ZNF585B: variants seen among roughly 807,000 people sequenced by gnomAD.
The protein encoded by ZNF585B is zinc finger protein 585B.
In ZNF585B, 7 loss-of-function variants were observed where a neutral mutation model predicts 14.0. The observed-to-expected ratio is 0.50, with a 90% confidence interval of 0.28 to 0.94. The LOEUF (loss-of-function observed/expected upper bound fraction) is 0.94, where lower values mean the gene tolerates loss of function less well. Ranked by LOEUF, ZNF585B falls within the 40% of genes least tolerant of loss-of-function variation. The pLI is 0.09. For missense variants in ZNF585B, 750 were observed against 924.4 expected, an observed-to-expected ratio of 0.81 and a Z score of 2.45; for synonymous variants, 290 against 317.3, an observed-to-expected ratio of 0.91 and a Z score of 0.91.
At chr19:37,189,188 T>C (rs1307891705) in intron 4 of ZNF585B, among the ~76,000 whole-genome samples, 1 of 152,146 alleles carries the variant, frequency 6.6e-6, no homozygotes, top group Non-Finnish European at 1.5e-5. Context: ...TACACCCACC[T>C]TGGCCTCCCA....
chr19:37,189,795 C>T lies in ZNF585B; in HGVS notation c.200-42G>A, dbSNP rs111986526. The T allele has an allele frequency of 1.6e-3, 2,550 of 1,611,794 alleles. 42 individuals carry two copies. In the African/African-American group the frequency reaches 0.028, roughly 18 times the overall value. On this transcript the variant is annotated intron_variant, in intron 3 of 4. Transcript: ENST00000532828. ...ATAAAGGTCTGGGTCCAGCTAATTACGTTTCAGAGCCCAACAAATACAGTC... is the reference window on the plus strand; with the variant it reads ...ATAAAGGTCTGGGTCCAGCTAATTATGTTTCAGAGCCCAACAAATACAGTC...
At chr19:37,208,725 A>G (rs1173296977) in intron 1 of ZNF585B, among the ~76,000 whole-genome samples, 1 of 152,134 alleles carries the variant, frequency 6.6e-6, no homozygotes, top group Non-Finnish European at 1.5e-5. Flanking sequence ...AATTTTCCTT[A>G]GAATCATAAA....
rs979412175 is a variant in ZNF585B, at chr19:37,181,848, T to G, written c.*3379A>C. 7.9e-5 allele frequency: 12 copies of G among 152,186 alleles called. No individual in the cohort carries two copies. Among genetic ancestry groups the G allele is most frequent in the Non-Finnish European group, 1.5e-4 (10 of 68,032 alleles). The allele number at this position is 152,186 out of a possible 1,614,324, so 9.4% of individuals were successfully genotyped here. A position where few individuals can be genotyped will look rare whatever the true frequency, so the allele number is the denominator to read the frequency against. ...AGACAAAAGAAAATAGCCAGGAGTT[T>G]AGAGGAGTAGGCGAAACACAGAGGA... On this transcript the variant is annotated 3_prime_UTR_variant, in exon 5 of 5. Coordinates refer to ENST00000532828, the MANE Select transcript of ZNF585B (RefSeq NM_152279.4).
In ZNF585B at chr19:37,186,106, G is replaced by A; in HGVS notation, c.1431C>T (p.Asn477=). The change falls in exon 5 of 5, where the codon AAC becomes AAT. Residue 477 remains asparagine (N), a synonymous_variant. Transcript: ENST00000532828. Reference sequence around the variant, plus strand: ...TCTGATGTGTAATGAGATTTGACCGGTTGGTGAATGCCTTCCCACATTTAT... The same window carrying A: ...TCTGATGTGTAATGAGATTTGACCGATTGGTGAATGCCTTCCCACATTTAT... ...VCNKCGKAFT[N]RSNLITHQKT... 1 of 1,614,026 alleles carries A rather than the reference G, an allele frequency of 6.2e-7. No individual in the cohort carries two copies. The highest frequency in any genetic ancestry group is 8.5e-7 in the Non-Finnish European group (1 of 1,180,004).
chr19:37,186,242 T>G lies in ZNF585B; in HGVS notation c.1295A>C (p.His432Pro), dbSNP rs1401797943. ...ACATTTATAAGGTTTCTCTCCAGTATGAATTATTTGATGTGTAATCAAGTG... is the reference window on the plus strand; with the variant it reads ...ACATTTATAAGGTTTCTCTCCAGTAGGAATTATTTGATGTGTAATCAAGTG... Reference protein sequence around the residue: ...KAHLITHQIIHTGEKPYKCGH... With the variant: ...KAHLITHQIIPTGEKPYKCGH... The change falls in exon 5 of 5, where the codon CAT (histidine) becomes CCT (proline). Residue 432 changes from histidine (H) to proline (P), a missense_variant. Physicochemically the swap from His to Pro is moderately conservative, Grantham distance 77. Around this residue, in one of 2 missense-constraint regions of ZNF585B, gnomAD observed 517 missense variants for 570.3 expected, o/e 0.91. Transcript: ENST00000532828. The G allele has an allele frequency of 1.2e-6, 2 of 1,614,084 alleles. No homozygotes were observed. Among genetic ancestry groups the G allele is most frequent in the Non-Finnish European group, 1.7e-6 (2 of 1,180,044 alleles).
chr19:37,189,419 G>C (rs1264899507), intron 4 of ZNF585B: 1 of 483,656 alleles, frequency 2.1e-6, no homozygotes, highest in East Asian at 3.8e-5. Flanking sequence ...TTACAGAAAA[G>C]GAATATAATA....
chr19:37,198,744 G>GAAAAAAAA (rs61435592), intron 2 of ZNF585B, among the ~76,000 whole-genome samples: 1 of 104,020 alleles, frequency 9.6e-6, no homozygotes, highest in African/African-American at 3.3e-5. Flanking sequence ...CTCAGAAAAA[G>GAAAAAAAA]AAAAAAAAAA....
Position 37,185,666 on chromosome 19 carries a change from T to G in ZNF585B, c.1871A>C (p.His624Pro). 1 of 1,613,564 alleles carries G rather than the reference T, an allele frequency of 6.2e-7. No homozygotes were observed. The highest frequency in any genetic ancestry group is 1.1e-5 in the South Asian group (1 of 91,024). The change falls in exon 5 of 5, where the codon CAT becomes CCT. Residue 624 changes from histidine to proline, a missense_variant. Transcript: ENST00000532828. ...TTTCTCTCCTGTGTGAACTGGCTGA[T>G]GCACCAGGAGCTGAGACTTGGAGGT... ...SFTSKSQLLVHQPVHTGEKPY... is the reference protein window; with the variant it reads ...SFTSKSQLLVPQPVHTGEKPY...
At chr19:37,200,982 T>C (rs1333074429) in intron 2 of ZNF585B, among the ~76,000 whole-genome samples, 1 of 149,880 alleles carries the variant, frequency 6.7e-6, no homozygotes, top group African/African-American at 2.5e-5. Context: ...TCCCAGCTAC[T>C]CCAGAGGCTG....
chr19:37,186,992 C>A lies in ZNF585B; in HGVS notation c.545G>T (p.Arg182Ile), dbSNP rs1972344129. Residue 182 changes from arginine to isoleucine, a missense_variant, in exon 5 of 5, where the codon AGA becomes ATA. Physicochemically the swap from Arg to Ile is moderately conservative, Grantham distance 97. Transcript: ENST00000532828. ...EFITHQKTHM[R>I]EKPYKCNECG... is the part of the protein sequence containing the mutation. ...TTCATTGCACTTATAGGGCTTCTCTCTCATATGGGTTTTCTGATGTGTGAT... is the reference window on the plus strand; with the variant it reads ...TTCATTGCACTTATAGGGCTTCTCTATCATATGGGTTTTCTGATGTGTGAT... 1 of 1,613,648 alleles carries A rather than the reference C, an allele frequency of 6.2e-7. No individual in the cohort carries two copies. The highest frequency in any genetic ancestry group is 8.5e-7 in the Non-Finnish European group (1 of 1,179,890).
intron 2 of ZNF585B, chr19:37,199,334 C>A: frequency 2.9e-6 from 1 of 347,916 alleles, no homozygotes; most frequent in Non-Finnish European, 5.7e-6. Context: ...CAAGACAAGC[C>A]TGGGTAACAT....
At chr19:37,199,699 G>A (rs967278958) in intron 2 of ZNF585B, among the ~76,000 whole-genome samples, 1 of 152,028 alleles carries the variant, frequency 6.6e-6, no homozygotes, top group Non-Finnish European at 1.5e-5. Flanking sequence ...ACACACAACA[G>A]AAAAAACATC....
rs1290281192 is a variant in ZNF585B at position 37,182,252 on chromosome 19, T to G, written c.*2975A>C. The G allele has an allele frequency of 3.9e-5, 6 of 152,142 alleles. No individual in the cohort carries two copies. The highest frequency in any genetic ancestry group is 1.2e-4 in the African/African-American group (5 of 41,422). 9.4% of individuals were successfully genotyped at this position (152,142 alleles called of 1,614,324 possible). A position where few individuals can be genotyped will look rare whatever the true frequency, so the allele number is the denominator to read the frequency against. ...ATAAAGGAGAAATTATTGAAAGTCA[T>G]GTACAGTGAAATGTGTTTTCCTCCA... On this transcript the variant is annotated 3_prime_UTR_variant, in exon 5 of 5. Transcript: ENST00000532828.
chr19:37,209,506 GAGT>G (rs1972623175), intron 1 of ZNF585B, among the ~76,000 whole-genome samples: 1 of 152,126 alleles, frequency 6.6e-6, no homozygotes, highest in Non-Finnish European at 1.5e-5. Context: ...TTTCCAATGT[GAGT>G]AGTTTACCTT....
At position 37,202,977 on chromosome 19, in the gene ZNF585B, A is replaced by G. The variant is rs573325140; in HGVS notation, c.72+4063T>C. ...TGATTTTACATAATACTCACTCGTG[A>G]TTGTTTGAATCTTAGGTATAGAAGT... On this transcript the variant is annotated intron_variant, in intron 2 of 4. Transcript: ENST00000532828. Among the ~76,000 whole-genome samples the G allele has an allele frequency of 9.4e-4, 143 of 152,206 alleles. 2 individuals are homozygous for G. Among genetic ancestry groups the G allele is most frequent in the Middle Eastern group, 6.8e-3 (2 of 294 alleles).
rs749836692 is a variant in ZNF585B, at chr19:37,186,199, C to T, written c.1338G>A (p.Leu446=). 6.2e-7 allele frequency: 1 copy of T among 1,614,002 alleles called. No individual in the cohort carries two copies. Among genetic ancestry groups the T allele is most frequent in the East Asian group, 2.2e-5 (1 of 44,842 alleles). ...CATGGAGTTGTGACTTGGAAGTAAA[C>T]AATTTCCCACAGTGACCACATTTAT... ...KPYKCGHCGK[L]FTSKSQLHVH... is the part of the protein sequence containing the mutation. The change falls in exon 5 of 5, where the codon TTG becomes TTA. Residue 446 remains leucine (L), a synonymous_variant. Coordinates refer to ENST00000532828, the MANE Select transcript of ZNF585B (RefSeq NM_152279.4).
In ZNF585B at chr19:37,184,907, A is replaced by T. The variant is rs1047329; in HGVS notation, c.*320T>A. On this transcript the variant is annotated 3_prime_UTR_variant, in exon 5 of 5. Coordinates refer to ENST00000532828, the MANE Select transcript of ZNF585B (RefSeq NM_152279.4). Reference sequence around the variant, plus strand: ...CACAGTAAACAGGATTATCATTCCCATAATATGATCTTTCTTATGAAGAAT... The same window carrying T: ...CACAGTAAACAGGATTATCATTCCCTTAATATGATCTTTCTTATGAAGAAT... 4.4e-5 allele frequency: 20 copies of T among 455,898 alleles called. No homozygotes were observed. The East Asian group carries it at 5.0e-4, about 12-fold the overall frequency. The allele number at this position is 455,898 out of a possible 1,614,324, so 28.2% of individuals were successfully genotyped here. A position where few individuals can be genotyped will look rare whatever the true frequency, so the allele number is the denominator to read the frequency against.
At chr19:37,194,161 T>G (rs1363607827) in intron 2 of ZNF585B, among the ~76,000 whole-genome samples, 1 of 152,172 alleles carries the variant, frequency 6.6e-6, no homozygotes, top group Non-Finnish European at 1.5e-5. Context: ...AAAGGTACAA[T>G]AGGTGAACAG....
chr19:37,206,995 T>C (rs1972593398), intron 2 of ZNF585B, 45 bp downstream of exon 2: 3 of 1,610,972 alleles, frequency 1.9e-6, no homozygotes, highest in Admixed American at 1.7e-5. Context: ...TAGAGCTATC[T>C]ACTCTTGGAC....
Sources: allele counts gnomAD v4.1 joint callset (sites outside exome capture counted in the v4.1 genomes callset), GRCh38; gene constraint gnomAD v4.1.1; regional missense constraint gnomAD v4.1.1; transcripts MANE v1.5; gene names NCBI Gene and HGNC (gene_info 2026-07-23, HGNC 2026-07-21).